The following PAK1IP1 variants were observed in gnomAD, a reference collection of about 807,000 sequenced individuals.
PAK1IP1 encodes PAK1 interacting protein 1.
PAK1IP1 carries 24 observed loss-of-function variants against 42.0 expected under a neutral mutation model. The ratio of observed to expected loss-of-function variants is 0.57; its 90% CI spans 0.41 to 0.80. The LOEUF (loss-of-function observed/expected upper bound fraction) is 0.80. Ranked by LOEUF, PAK1IP1 falls within the 30% of genes least tolerant of loss-of-function variation. The pLI is 0.00. For synonymous variants in PAK1IP1, 154 were observed against 156.7 expected (o/e 0.98, Z 0.13); for missense variants, 411 against 467.9 (o/e 0.88, Z 1.12).
Position 10,707,524 on chromosome 6 carries a change from T to G in PAK1IP1, c.840+10T>G. The G allele has an allele frequency of 6.8e-7, 1 of 1,477,428 alleles. No homozygotes were observed. Among genetic ancestry groups the G allele is most frequent in the East Asian group, 2.3e-5 (1 of 44,310 alleles). The allele number at this position is 1,477,428 out of a possible 1,614,324, so 91.5% of individuals were successfully genotyped here. On this transcript the variant is annotated intron_variant, in intron 8 of 9. Transcript: ENST00000379568. ...GCTTAAGCAGGATAAGGTCAGTGCTTCAACACAATCTAAATGTACTTTAAT... is the reference window on the plus strand; with the variant it reads ...GCTTAAGCAGGATAAGGTCAGTGCTGCAACACAATCTAAATGTACTTTAAT...
At chr6:10,700,301 G>A (rs1230882548) in intron 2 of PAK1IP1, among the ~76,000 whole-genome samples, 2 of 152,004 alleles carry the variant, frequency 1.3e-5, no homozygotes, top group East Asian at 3.9e-4. Flanking sequence ...CAAGTGATCC[G>A]CCCGCCTCAG....
At chr6:10,699,712 A>G (rs999888548) in intron 2 of PAK1IP1, among the ~76,000 whole-genome samples, 1 of 151,962 alleles carries the variant, frequency 6.6e-6, no homozygotes, top group African/African-American at 2.4e-5. Flanking sequence ...ACCCAATCTT[A>G]CATGTATTTC....
At chr6:10,701,717 G>C (rs1770032997) in intron 2 of PAK1IP1, among the ~76,000 whole-genome samples, 1 of 152,152 alleles carries the variant, frequency 6.6e-6, no homozygotes, top group Admixed American at 6.5e-5. Context: ...CAGTACACCT[G>C]GTTTGTTCCC....
At chr6:10,699,470 G>A (rs2127479234) in intron 2 of PAK1IP1, among the ~76,000 whole-genome samples, 1 of 152,304 alleles carries the variant, frequency 6.6e-6, no homozygotes, top group East Asian at 1.9e-4. Context: ...TCAAGAAGTA[G>A]TACTACAGTT....
chr6:10,701,733 T>G (rs558845055), intron 2 of PAK1IP1, among the ~76,000 whole-genome samples: 25 of 152,216 alleles, frequency 1.6e-4, no homozygotes, highest in Non-Finnish European at 3.1e-4. Context: ...TTCCCCAGAT[T>G]AGCTTGTTAG....
chr6:10,701,242 A>C (rs1331353839), intron 2 of PAK1IP1, among the ~76,000 whole-genome samples: 1 of 151,910 alleles, frequency 6.6e-6, no homozygotes, highest in Non-Finnish European at 1.5e-5. Flanking sequence ...ACATCCAGCT[A>C]ATTTTTGTAT....
chr6:10,692,011 T>A (rs1226943692), upstream of PAK1IP1, among the ~76,000 whole-genome samples: 1 of 152,186 alleles, frequency 6.6e-6, no homozygotes, highest in Admixed American at 6.5e-5. Flanking sequence ...TTTATGGTGA[T>A]AAGCTAAAAT....
chr6:10,704,983 C>T, intron 7 of PAK1IP1, 139 bp downstream of exon 7: 2 of 647,306 alleles, frequency 3.1e-6, no homozygotes, highest in Non-Finnish European at 5.5e-6. Flanking sequence ...TATATGGTAT[C>T]TGTAGTCTAA....
At chr6:10,702,163 C>G (rs1394763726) in intron 2 of PAK1IP1, among the ~76,000 whole-genome samples, 1 of 151,560 alleles carries the variant, frequency 6.6e-6, no homozygotes, top group Non-Finnish European at 1.5e-5. Context: ...TTGCTTGAAC[C>G]CAGGAGGCAG....
chr6:10,692,802 G>A (rs903662012), upstream of PAK1IP1, among the ~76,000 whole-genome samples: 42 of 152,264 alleles, frequency 2.8e-4, no homozygotes, highest in African/African-American at 9.4e-4. Flanking sequence ...GGGATTACAG[G>A]AGTGAGCCAC....
intron 8 of PAK1IP1, 91 bp downstream of exon 8, chr6:10,707,605 C>T (rs1473520715): frequency 2.2e-5 from 16 of 739,002 alleles, no homozygotes; most frequent in Non-Finnish European, 3.8e-5. Context: ...AGACATAGGT[C>T]TTTAAACTTT....
Position 10,702,378 on chromosome 6 carries a change from C to T in PAK1IP1, c.257C>T (p.Thr86Ile), listed in dbSNP as rs998869219. 1.2e-6 allele frequency: 2 copies of T among 1,613,096 alleles called. No individual in the cohort carries two copies. Among genetic ancestry groups the T allele is most frequent in the African/African-American group, 2.7e-5 (2 of 74,884 alleles). Residue 86 changes from threonine (T) to isoleucine (I), a missense_variant, in exon 3 of 10, where the codon ACT (threonine) becomes ATT (isoleucine). Coordinates refer to ENST00000379568, the MANE Select transcript of PAK1IP1 (RefSeq NM_017906.3). ...TTTGGTTTTTCCATAGGTACAATAA[C>T]TTGCCTGAAATTCTATGGCAACAGG... ...GALVHHSGTI[T>I]CLKFYGNRHL...
intron 5 of PAK1IP1, 135 bp from the exon 6 acceptor site, chr6:10,704,372 G>A (rs539925536): frequency 3.2e-6 from 2 of 625,646 alleles, no homozygotes; most frequent in South Asian, 2.3e-5. Flanking sequence ...AACTTGACTT[G>A]TAAAATGTGT....
At chr6:10,701,283 G>A (rs1770019601) in intron 2 of PAK1IP1, among the ~76,000 whole-genome samples, 1 of 152,050 alleles carries the variant, frequency 6.6e-6, no homozygotes, top group South Asian at 2.1e-4. Context: ...CGCCATGTTG[G>A]CCAGGCTGGT....
upstream of PAK1IP1, among the ~76,000 whole-genome samples, chr6:10,693,108 TGCTCACAGGCCCAGGCACGTTCCA>T (rs1378881245): frequency 2.6e-5 from 4 of 152,348 alleles, no homozygotes; most frequent in East Asian, 7.7e-4. Flanking sequence ...CTGCGGGACA[TGCTCACAGGCCCAGGCACGTTCCA>T]GCTCACAGCC....
intron 7 of PAK1IP1, 143 bp downstream of exon 7, chr6:10,704,987 A>G: frequency 1.6e-6 from 1 of 643,470 alleles, no homozygotes; most frequent in Non-Finnish European, 2.8e-6. Flanking sequence ...TGGTATCTGT[A>G]GTCTAATAAG....
At position 10,709,738 on chromosome 6, in the gene PAK1IP1, AAT is replaced by A. The variant is rs1194458273; in HGVS notation, c.*290_*291del. 1.1e-5 allele frequency: 2 copies of A among 184,292 alleles called. No homozygotes were observed. Among genetic ancestry groups the A allele is most frequent in the Non-Finnish European group, 2.2e-5 (2 of 89,690 alleles). The allele number at this position is 184,292 out of a possible 1,614,324, so 11.4% of individuals were successfully genotyped here. A position where few individuals can be genotyped will look rare whatever the true frequency, so the allele number is the denominator to read the frequency against. ...CAAAGCAAATAAAGATCTTTCTCAA[AAT>A]ATACTGTAAAATAATATAAAATATT... On this transcript the variant is annotated 3_prime_UTR_variant, in exon 10 of 10. Coordinates refer to ENST00000379568, the MANE Select transcript of PAK1IP1 (RefSeq NM_017906.3).
At chr6:10,709,172 C>G (rs1037251614) in intron 9 of PAK1IP1, 66 bp from the exon 10 acceptor site, 2 of 1,507,266 alleles carry the variant, frequency 1.3e-6, no homozygotes, top group African/African-American at 1.4e-5. Flanking sequence ...TTATTGACAG[C>G]TTGTGTTTAT....
At chr6:10,707,554 G>A (rs755029932) in intron 8 of PAK1IP1, 40 bp downstream of exon 8, 1 of 1,242,432 alleles carries the variant, frequency 8.0e-7, no homozygotes. Flanking sequence ...TTTAATACAA[G>A]TCTTGCTCAT....
Sources: allele counts gnomAD v4.1 joint callset (sites outside exome capture counted in the v4.1 genomes callset), GRCh38; gene constraint gnomAD v4.1.1; transcripts MANE v1.5; gene names NCBI Gene and HGNC (gene_info 2026-07-23, HGNC 2026-07-21).